The following HYCC1 variants were observed in gnomAD, a reference collection of about 807,000 sequenced individuals.
HYCC1 encodes the protein hyccin PI4KA lipid kinase complex subunit 1, also known as hyccin.
At chr7:22,989,492 C>A in the HYCC1 span, among the ~76,000 whole-genome samples, 1 of 151,758 alleles carries the variant, frequency 6.6e-6, no homozygotes, top group Non-Finnish European at 1.5e-5. Context: ...GGGCTACAGG[C>A]ATGCACCAAC....
At chr7:22,915,621 G>C in the HYCC1 span, among the ~76,000 whole-genome samples, 1 of 152,170 alleles carries the variant, frequency 6.6e-6, no homozygotes, top group Non-Finnish European at 1.5e-5. Flanking sequence ...AAGCCTCCTG[G>C]ACCATCACAG....
At chr7:23,008,539 G>T in the HYCC1 span, among the ~76,000 whole-genome samples, 1 of 151,874 alleles carries the variant, frequency 6.6e-6, no homozygotes, top group Non-Finnish European at 1.5e-5. Context: ...AATGTAACAT[G>T]AATAAAGAAA....
At chr7:22,923,684 T>G in the HYCC1 span, among the ~76,000 whole-genome samples, 2 of 152,166 alleles carry the variant, frequency 1.3e-5, no homozygotes, top group Non-Finnish European at 2.9e-5. Flanking sequence ...AGACTCATGT[T>G]GCACAAATTA....
chr7:22,933,050 A>C, the HYCC1 span, among the ~76,000 whole-genome samples: 1 of 152,172 alleles, frequency 6.6e-6, no homozygotes, highest in African/African-American at 2.4e-5. Context: ...GGAAGTAGCA[A>C]GAAAAGATTT....
chr7:22,911,615 G>A, the HYCC1 span, among the ~76,000 whole-genome samples: 1 of 152,156 alleles, frequency 6.6e-6, no homozygotes, highest in Non-Finnish European at 1.5e-5. Context: ...AAAATCAGCT[G>A]GGCGTGGTGG....
At chr7:22,974,465 C>T in the HYCC1 span, among the ~76,000 whole-genome samples, 1 of 152,116 alleles carries the variant, frequency 6.6e-6, no homozygotes, top group Non-Finnish European at 1.5e-5. Context: ...CAAAAAACAT[C>T]TTAGAACGAC....
At chr7:22,979,080 C>T in the HYCC1 span, among the ~76,000 whole-genome samples, 3 of 152,116 alleles carry the variant, frequency 2.0e-5, no homozygotes, top group Admixed American at 6.6e-5. Flanking sequence ...ACTGATTTTT[C>T]AAGCAAATTA....
chr7:22,913,198 C>T, the HYCC1 span, among the ~76,000 whole-genome samples: 1 of 151,998 alleles, frequency 6.6e-6, no homozygotes, highest in East Asian at 1.9e-4. Context: ...AAAGACTAGT[C>T]TCAAAAACTA....
chr7:22,975,158 T>C, the HYCC1 span, among the ~76,000 whole-genome samples: 105 of 152,266 alleles, frequency 6.9e-4, no homozygotes, highest in African/African-American at 2.5e-3. Context: ...AGTTCTATAA[T>C]ATCTCTTATT....
At chr7:22,987,415 G>A in the HYCC1 span, among the ~76,000 whole-genome samples, 7 of 152,222 alleles carry the variant, frequency 4.6e-5, no homozygotes, top group African/African-American at 1.7e-4. Context: ...GGGCATGGTG[G>A]TGCACACCTG....
chr7:22,978,487 G>A, the HYCC1 span: 1 of 1,497,280 alleles, frequency 6.7e-7, no homozygotes, highest in South Asian at 1.1e-5. Context: ...GAACTGGACT[G>A]TATTTGAATG....
At chr7:22,933,721 T>C in the HYCC1 span, among the ~76,000 whole-genome samples, 4 of 152,238 alleles carry the variant, frequency 2.6e-5, no homozygotes, top group African/African-American at 9.6e-5. Flanking sequence ...ATTTTTAAAA[T>C]AGATTCTGAT....
At chr7:22,928,557 G>C in the HYCC1 span, among the ~76,000 whole-genome samples, 2 of 152,148 alleles carry the variant, frequency 1.3e-5, no homozygotes, top group East Asian at 3.9e-4. Context: ...CAAACAGAGA[G>C]CCAAATCACG....
the HYCC1 span, among the ~76,000 whole-genome samples, chr7:22,984,892 C>T: frequency 6.6e-6 from 1 of 152,164 alleles, no homozygotes; most frequent in Non-Finnish European, 1.5e-5. Context: ...CACAGCTTGC[C>T]AGAACCACCT....
At chr7:22,978,982 G>C in the HYCC1 span, among the ~76,000 whole-genome samples, 1 of 152,072 alleles carries the variant, frequency 6.6e-6, no homozygotes, top group East Asian at 1.9e-4. Context: ...CCTCTTATAG[G>C]TAAGTATTCT....
the HYCC1 span, among the ~76,000 whole-genome samples, chr7:22,928,837 C>A: frequency 6.6e-6 from 1 of 150,742 alleles, no homozygotes; most frequent in Non-Finnish European, 1.5e-5. Flanking sequence ...AAAAAAAAAA[C>A]TACTTTAAAG....
the HYCC1 span, among the ~76,000 whole-genome samples, chr7:22,925,855 A>G: frequency 1.3e-5 from 2 of 152,250 alleles, no homozygotes; most frequent in Non-Finnish European, 2.9e-5. Context: ...CTCCTCGAGA[A>G]GAACAACTCC....
chr7:22,964,415 A>G, the HYCC1 span: 3 of 1,536,436 alleles, frequency 2.0e-6, no homozygotes, highest in South Asian at 1.1e-5. Context: ...AGATACTTAC[A>G]AGGCAAAATA....
At chr7:22,937,707 TTATGTATTA>T in the HYCC1 span, 1 of 152,154 alleles carries the variant, frequency 6.6e-6, no homozygotes, top group Non-Finnish European at 1.5e-5. Flanking sequence ...TTATTCACCA[TTATGTATTA>T]GTTATATTAT....
Sources: gnomAD v4.1 joint callset for allele counts (sites outside exome capture counted in the v4.1 genomes callset) on GRCh38, gnomAD v4.1.1 for gene constraint, MANE v1.5 for transcripts, NCBI Gene and HGNC (gene_info 2026-07-23, HGNC 2026-07-21) for gene names.